Variants in WWTR1 observed in about 807,000 individuals in gnomAD.
The protein encoded by WWTR1 is WW domain-containing transcription regulator protein 1.
Under a neutral mutation model 40.1 loss-of-function variants are expected in WWTR1, and 13 were observed. The observed-to-expected ratio is 0.32, with a 90% CI of 0.21 to 0.52. The LOEUF is 0.52. WWTR1 is among the 20% of genes least tolerant of loss of function. WWTR1 has a pLI of 0.97. For missense variants in WWTR1, 436 were observed against 523.1 expected, an observed-to-expected ratio of 0.83 and a Z score of 1.63; for synonymous variants, 230 against 210.1, an observed-to-expected ratio of 1.09 and a Z score of -0.82.
At chr3:149,632,119 C>T (rs1418876757) in intron 2 of WWTR1, among the ~76,000 whole-genome samples, 10 of 152,100 alleles carry the variant, frequency 6.6e-5, no homozygotes, top group Admixed American at 6.5e-4. Flanking sequence ...ACTATGTTGC[C>T]CAGGTTGGTC....
Position 149,517,829 on chromosome 3 carries a change from A to C in WWTR1, c.*2976T>G, listed in dbSNP as rs1332328900. On this transcript the variant is annotated 3_prime_UTR_variant, in exon 7 of 7. Coordinates refer to ENST00000360632, the MANE Select transcript of WWTR1 (RefSeq NM_015472.6). ...CTTCAAGACAATGTATTTTATCAGG[A>C]AAAAATATCTTGAAAGAAAGATCTC... 6.6e-6 allele frequency: 1 copy of C among 152,220 alleles called. No homozygotes were observed. The highest frequency in any genetic ancestry group is 2.4e-5 in the African/African-American group (1 of 41,454). The allele number at this position is 152,220 out of a possible 1,614,324, so 9.4% of individuals were successfully genotyped here.
chr3:149,646,682 C>A (rs1019537615), intron 2 of WWTR1, among the ~76,000 whole-genome samples: 4 of 152,144 alleles, frequency 2.6e-5, no homozygotes, highest in Non-Finnish European at 4.4e-5. Flanking sequence ...GACTGATTGA[C>A]AGATAGAACA....
chr3:149,647,220 A>G (rs992053850), intron 2 of WWTR1, among the ~76,000 whole-genome samples: 2 of 152,192 alleles, frequency 1.3e-5, no homozygotes, highest in African/African-American at 2.4e-5. Flanking sequence ...GGAGAGTGAA[A>G]GAAAGACTCT....
At chr3:149,583,895 G>A (rs1738279694) in intron 2 of WWTR1, among the ~76,000 whole-genome samples, 1 of 152,116 alleles carries the variant, frequency 6.6e-6, no homozygotes, top group African/African-American at 2.4e-5. Context: ...ATGGTCCAGA[G>A]CCTGACACTC....
intron 3 of WWTR1, among the ~76,000 whole-genome samples, chr3:149,570,765 C>T (rs990540202): frequency 6.6e-6 from 1 of 152,116 alleles, no homozygotes; most frequent in African/African-American, 2.4e-5. Context: ...TATGCACATA[C>T]AGGCAGACTC....
At chr3:149,649,635 C>T (rs188254453) in intron 2 of WWTR1, among the ~76,000 whole-genome samples, 22 of 152,062 alleles carry the variant, frequency 1.4e-4, no homozygotes, top group East Asian at 7.7e-4. Flanking sequence ...TCCATATGAC[C>T]GCCGGGTGCA....
At chr3:149,557,507 C>T (rs1222390719) in intron 3 of WWTR1, among the ~76,000 whole-genome samples, 1 of 152,124 alleles carries the variant, frequency 6.6e-6, no homozygotes, top group Admixed American at 6.5e-5. Context: ...ACCATGAAAG[C>T]CTTTATCTCT....
At position 149,657,433 on chromosome 3, in the gene WWTR1, T is replaced by C. The variant is rs981406768; in HGVS notation, c.-3-124A>G. The C allele has an allele frequency of 9.5e-6, 11 of 1,161,888 alleles. No homozygotes were observed. The Admixed American group carries it at 3.0e-4, about 32-fold the overall frequency. The allele number at this position is 1,161,888 out of a possible 1,614,324, so 72.0% of individuals were successfully genotyped here. On this transcript the variant is annotated intron_variant, in intron 1 of 6. Transcript: ENST00000360632. ...AGGGAAAAGGAAACGAGGAGACAGA[T>C]AATTGCCCGCCTGGAGATCCCAGAC...
At chr3:149,712,925 A>T (rs1715515541) in intron 5 of WWTR1, among the ~76,000 whole-genome samples, 1 of 152,258 alleles carries the variant, frequency 6.6e-6, no homozygotes, top group Admixed American at 6.5e-5. Flanking sequence ...ACTGAGACTC[A>T]GTCAGTTACA....
chr3:149,718,522 C>T (rs1418985326), intron 4 of WWTR1, among the ~76,000 whole-genome samples: 2 of 152,158 alleles, frequency 1.3e-5, no homozygotes, highest in Non-Finnish European at 2.9e-5. Flanking sequence ...AAGTGCACAG[C>T]TGAGTGGCAT....
At chr3:149,700,052 A>G (rs1423463436) in intron 1 of WWTR1, among the ~76,000 whole-genome samples, 1 of 152,242 alleles carries the variant, frequency 6.6e-6, no homozygotes, top group Non-Finnish European at 1.5e-5. Context: ...GCGTAGCACC[A>G]ACATCTATTC....
chr3:149,608,414 C>A (rs1371874848), intron 2 of WWTR1, among the ~76,000 whole-genome samples: 1 of 149,842 alleles, frequency 6.7e-6, no homozygotes, highest in African/African-American at 2.5e-5. Flanking sequence ...GAGATGGAGT[C>A]TTGCTCTGTC....
intron 2 of WWTR1, among the ~76,000 whole-genome samples, chr3:149,640,579 C>T (rs1712116720): frequency 6.6e-6 from 1 of 152,076 alleles, no homozygotes; most frequent in Non-Finnish European, 1.5e-5. Context: ...TGCCACCACA[C>T]CCAGCTAATT....
intron 4 of WWTR1, chr3:149,540,947 A>T: frequency 2.2e-6 from 1 of 446,612 alleles, no homozygotes; most frequent in South Asian, 1.6e-5. Flanking sequence ...GAAATACATT[A>T]TTCATTCATG....
At chr3:149,704,354 G>A (rs1278646046), upstream of WWTR1, among the ~76,000 whole-genome samples, 2 of 152,098 alleles carry the variant, frequency 1.3e-5, no homozygotes, top group Non-Finnish European at 2.9e-5. Flanking sequence ...CAGCACAGGG[G>A]AAACCAAGAA....
At chr3:149,580,032 C>T (rs143578025) in intron 2 of WWTR1, among the ~76,000 whole-genome samples, 17 of 152,136 alleles carry the variant, frequency 1.1e-4, no homozygotes, top group African/African-American at 3.9e-4. Context: ...GGAGTCTTGC[C>T]GAAGACTTAT....
chr3:149,542,601 C>A, intron 3 of WWTR1, 64 bp from the exon 4 acceptor site: 2 of 1,480,868 alleles, frequency 1.4e-6, no homozygotes, highest in East Asian at 4.6e-5. Context: ...AAAAATAGAC[C>A]ATCAGAATGT....
chr3:149,601,874 A>C (rs1739261192), intron 2 of WWTR1, among the ~76,000 whole-genome samples: 1 of 152,238 alleles, frequency 6.6e-6, no homozygotes, highest in Non-Finnish European at 1.5e-5. Flanking sequence ...CATATGGTAC[A>C]GAGGGAGTGG....
chr3:149,559,867 T>C (rs1212070922), intron 3 of WWTR1, among the ~76,000 whole-genome samples: 3 of 152,162 alleles, frequency 2.0e-5, no homozygotes, highest in Non-Finnish European at 4.4e-5. Flanking sequence ...AACTGTTAAA[T>C]GATTCTAATT....
Sources: gnomAD v4.1 joint callset for allele counts (sites outside exome capture counted in the v4.1 genomes callset) on GRCh38, gnomAD v4.1.1 for gene constraint, MANE v1.5 for transcripts, NCBI Gene and HGNC (gene_info 2026-07-23, HGNC 2026-07-21) for gene names.